Variants in UGT1A5 observed in about 807,000 individuals in gnomAD.
The protein encoded by UGT1A5 is UDP-glucuronosyltransferase 1A5.
Under a neutral mutation model 40.3 loss-of-function variants are expected in UGT1A5, and 29 were observed. The observed-to-expected ratio is 0.72, with a 90% CI of 0.54 to 0.98. The LOEUF (loss-of-function observed/expected upper bound fraction) is 0.98. Among genes scored for constraint, UGT1A5 ranks in the 50% least tolerant of loss-of-function variants. The probability of loss-of-function intolerance (pLI) is 0.00; values close to 1 mark genes in which losing one functional copy is unlikely to be tolerated. For missense variants in UGT1A5, 678 were observed against 677.9 expected (o/e 1.00, Z 0.00); for synonymous variants, 257 against 262.5 (o/e 0.98, Z 0.20).
intron 1 of UGT1A5, among the ~76,000 whole-genome samples, chr2:233,715,228 A>G (rs554493874): frequency 2.6e-5 from 4 of 152,214 alleles, no homozygotes; most frequent in East Asian, 1.9e-4. Context: ...AATCTGCCCA[A>G]TTCTGTGAAG....
At chr2:233,720,108 G>A (rs372349841) in intron 1 of UGT1A5, among the ~76,000 whole-genome samples, 4 of 152,142 alleles carry the variant, frequency 2.6e-5, no homozygotes, top group South Asian at 4.2e-4. Flanking sequence ...CCCATCTTGC[G>A]AAAGATACAG....
At chr2:233,763,131 T>C (rs1039292285) in intron 1 of UGT1A5, among the ~76,000 whole-genome samples, 1 of 152,268 alleles carries the variant, frequency 6.6e-6, no homozygotes, top group African/African-American at 2.4e-5. Flanking sequence ...CTGGCATTTA[T>C]TGATATAACC....
intron 1 of UGT1A5, chr2:233,747,837 C>A: frequency 1.9e-6 from 3 of 1,613,500 alleles, no homozygotes; most frequent in African/African-American, 1.3e-5. Flanking sequence ...GACATTCCTG[C>A]AAAGGGTCAA....
intron 1 of UGT1A5, chr2:233,743,038 A>G (rs968490640): frequency 1.2e-4 from 34 of 283,020 alleles, no homozygotes; most frequent in Non-Finnish European, 2.1e-5. Context: ...CAGAGGTCCT[A>G]TCCGTGTAGT....
chr2:233,759,557 C>T (rs1697172001), intron 1 of UGT1A5, among the ~76,000 whole-genome samples: 1 of 152,070 alleles, frequency 6.6e-6, no homozygotes, highest in South Asian at 2.1e-4. Context: ...AGTGAATTTC[C>T]CTTTCTGGTC....
chr2:233,743,808 C>T (rs2125856217), intron 1 of UGT1A5: 1 of 1,367,328 alleles, frequency 7.3e-7, no homozygotes, highest in South Asian at 1.1e-5. Flanking sequence ...TCCTTGTTCT[C>T]AGGGTTTTTG....
chr2:233,765,357 A>T (rs1425075140), intron 1 of UGT1A5, among the ~76,000 whole-genome samples: 2 of 152,244 alleles, frequency 1.3e-5, no homozygotes, highest in Non-Finnish European at 2.9e-5. Context: ...GAACCAACCC[A>T]GATGCCCATC....
intron 1 of UGT1A5, among the ~76,000 whole-genome samples, chr2:233,763,903 G>C (rs779915264): frequency 2.2e-4 from 34 of 152,300 alleles, no homozygotes; most frequent in Middle Eastern, 3.4e-3. Flanking sequence ...CAGAAGATTA[G>C]TGAGGACCAA....
rs774677126 is a variant in UGT1A5 at position 233,772,538 on chromosome 2, C to A, written c.1584C>A (p.Ala528=). The change falls in exon 5 of 5, where the codon GCC becomes GCA. Residue 528 remains alanine, a synonymous_variant. Coordinates refer to ENST00000373414, the MANE Select transcript of UGT1A5 (RefSeq NM_019078.2). ...CLGKKGRVKK[A]HKSKTH ...GGAAAAAAGGGCGAGTTAAGAAAGC[C>A]CACAAATCCAAGACCCATTGAGAAG... The A allele has an allele frequency of 3.7e-6, 6 of 1,613,922 alleles. No homozygotes were observed. The Admixed American group carries it at 8.3e-5, about 22-fold the overall frequency.
At chr2:233,737,493 C>T (rs2078886571) in intron 1 of UGT1A5, among the ~76,000 whole-genome samples, 1 of 152,188 alleles carries the variant, frequency 6.6e-6, no homozygotes, top group Admixed American at 6.5e-5. Flanking sequence ...AAGGGAAATC[C>T]CTCACCCTCT....
At chr2:233,767,269 G>C (rs1288837009) in intron 2 of UGT1A5, 104 bp downstream of exon 2, 10 of 1,582,566 alleles carry the variant, frequency 6.3e-6, no homozygotes, top group Non-Finnish European at 8.5e-7. Flanking sequence ...CTTAGATTTG[G>C]CTTTTCCCTG....
At chr2:233,729,262 G>A in intron 1 of UGT1A5, 1 of 1,614,138 alleles carries the variant, frequency 6.2e-7, no homozygotes, top group Non-Finnish European at 8.5e-7. Flanking sequence ...CAGCATGCGG[G>A]AGGTCTTGCG....
At chr2:233,771,437 T>G (rs981684428) in intron 4 of UGT1A5, 1 of 152,226 alleles carries the variant, frequency 6.6e-6, no homozygotes, top group African/African-American at 2.4e-5. Context: ...CATTTTGCAC[T>G]AAGTGGCTGC....
At chr2:233,755,025 G>C (rs766586741) in intron 1 of UGT1A5, 29 of 1,306,918 alleles carry the variant, frequency 2.2e-5, no homozygotes, top group Admixed American at 7.6e-5. Context: ...GTCCTTGAAG[G>C]GCCTGCCGCC....
intron 1 of UGT1A5, chr2:233,743,644 G>T (rs1317452521): frequency 1.5e-6 from 2 of 1,367,194 alleles, no homozygotes; most frequent in East Asian, 9.1e-5. Flanking sequence ...CGCGGAAGCT[G>T]AAGACGTACT....
At chr2:233,729,306 C>T (rs146717613) in intron 1 of UGT1A5, 13 of 1,614,122 alleles carry the variant, frequency 8.1e-6, no homozygotes, top group Non-Finnish European at 1.1e-5. Flanking sequence ...AGGCAGTGGT[C>T]CTCACCCCAG....
intron 1 of UGT1A5, among the ~76,000 whole-genome samples, chr2:233,766,110 G>T (rs1275743643): frequency 6.6e-6 from 1 of 152,184 alleles, no homozygotes; most frequent in Non-Finnish European, 1.5e-5. Context: ...TATCCTGGGG[G>T]CTTGCCTTGG....
intron 4 of UGT1A5, 68 bp from the exon 5 acceptor site, chr2:233,772,194 T>G (rs921300076): frequency 1.9e-6 from 3 of 1,602,000 alleles, no homozygotes; most frequent in African/African-American, 2.7e-5. Context: ...TAAGCAGCCA[T>G]GAGCATAAAG....
chr2:233,736,909 G>T (rs1037857066), intron 1 of UGT1A5, among the ~76,000 whole-genome samples: 5 of 152,172 alleles, frequency 3.3e-5, no homozygotes, highest in Non-Finnish European at 1.5e-5. Flanking sequence ...TCCTCTGGAA[G>T]CTTCATACCA....
Sources: allele counts gnomAD v4.1 joint callset (sites outside exome capture counted in the v4.1 genomes callset), GRCh38; gene constraint gnomAD v4.1.1; transcripts MANE v1.5; gene names NCBI Gene and HGNC (gene_info 2026-07-23, HGNC 2026-07-21).